Variants in SORCS3 observed in about 807,000 individuals in gnomAD.
SORCS3 encodes sortilin related VPS10 domain containing receptor 3, also known as VPS10 domain-containing receptor SorCS3.
Under a neutral mutation model 146.3 loss-of-function variants are expected in SORCS3, and 57 were observed. That is an observed-to-expected ratio of 0.39 (90% CI 0.31 to 0.49). The LOEUF (loss-of-function observed/expected upper bound fraction) is 0.49, where lower values mean the gene tolerates loss of function less well. Ranked by LOEUF, SORCS3 falls within the 20% of genes least tolerant of loss-of-function variation. The pLI, the probability that SORCS3 is intolerant of heterozygous loss-of-function variation, is 0.92. For missense variants in SORCS3, 1,341 were observed against 1,575.5 expected (o/e 0.85, Z 2.52); for synonymous variants, 653 against 618.5 (o/e 1.06, Z -0.83).
At chr10:104,668,796 C>T (rs2133255406) in intron 1 of SORCS3, among the ~76,000 whole-genome samples, 1 of 152,288 alleles carries the variant, frequency 6.6e-6, no homozygotes, top group East Asian at 1.9e-4. Flanking sequence ...CATTTACAGG[C>T]ACCATAGGTG....
chr10:104,723,639 C>T (rs1040665063), intron 1 of SORCS3, among the ~76,000 whole-genome samples: 15 of 152,272 alleles, frequency 9.9e-5, no homozygotes, highest in African/African-American at 3.6e-4. Flanking sequence ...TCTCTAAGGA[C>T]TTGCTTTATG....
intron 3 of SORCS3, among the ~76,000 whole-genome samples, chr10:104,919,604 G>A (rs1190360524): frequency 1.3e-5 from 2 of 151,988 alleles, no homozygotes; most frequent in African/African-American, 2.4e-5. Flanking sequence ...CAGGAGAATC[G>A]CTTGAACCCA....
At chr10:104,756,385 A>G (rs2017051179) in intron 1 of SORCS3, among the ~76,000 whole-genome samples, 1 of 152,254 alleles carries the variant, frequency 6.6e-6, no homozygotes. Flanking sequence ...TGAATAGTCC[A>G]TGGAACCTGC....
chr10:105,036,190 G>A (rs888482637), intron 4 of SORCS3, among the ~76,000 whole-genome samples: 2 of 151,836 alleles, frequency 1.3e-5, no homozygotes, highest in African/African-American at 4.9e-5. Flanking sequence ...CACAATTTTT[G>A]GGGAAGGACA....
chr10:105,138,757 A>G (rs1377010), intron 7 of SORCS3, among the ~76,000 whole-genome samples: 93,154 of 152,086 alleles, frequency 0.61, 29,688 homozygotes, highest in African/African-American at 0.79. Context: ...CCTTCTAGCC[A>G]GAGATAACAG....
intron 23 of SORCS3, among the ~76,000 whole-genome samples, 182 bp downstream of exon 23, chr10:105,253,088 T>G (rs982763448): frequency 1.3e-5 from 2 of 152,086 alleles, no homozygotes; most frequent in Non-Finnish European, 2.9e-5. Context: ...AGCATTCAGC[T>G]ACTCAGAAAG....
intron 20 of SORCS3, among the ~76,000 whole-genome samples, chr10:105,223,943 T>C (rs2056719222): frequency 6.6e-6 from 1 of 152,172 alleles, no homozygotes; most frequent in Non-Finnish European, 1.5e-5. Context: ...TTTTGAGGAG[T>C]TGTAAGTTCA....
intron 1 of SORCS3, among the ~76,000 whole-genome samples, chr10:104,655,492 T>A (rs2015616952): frequency 6.6e-6 from 1 of 152,160 alleles, no homozygotes; most frequent in South Asian, 2.1e-4. Flanking sequence ...CACTTGTAAG[T>A]GAGAACATGT....
At chr10:104,721,240 T>TC (rs1287391836) in intron 1 of SORCS3, among the ~76,000 whole-genome samples, 1 of 152,194 alleles carries the variant, frequency 6.6e-6, no homozygotes, top group Admixed American at 6.5e-5. Flanking sequence ...GGGAATCCTT[T>TC]CCCCATTGCT....
intron 7 of SORCS3, among the ~76,000 whole-genome samples, chr10:105,116,750 T>C (rs764391638): frequency 3.3e-5 from 5 of 152,114 alleles, no homozygotes; most frequent in Non-Finnish European, 5.9e-5. Flanking sequence ...TGGATGGAGC[T>C]GGAGGCCATT....
chr10:104,740,313 C>T (rs1185433291), intron 1 of SORCS3, among the ~76,000 whole-genome samples: 1 of 152,178 alleles, frequency 6.6e-6, no homozygotes, highest in Non-Finnish European at 1.5e-5. Flanking sequence ...TTTTGTATCC[C>T]TTGATAAAAT....
At chr10:105,207,551 C>T (rs1443582063) in intron 16 of SORCS3, among the ~76,000 whole-genome samples, 1 of 152,142 alleles carries the variant, frequency 6.6e-6, no homozygotes, top group African/African-American at 2.4e-5. Context: ...CACAATTCAA[C>T]AGAAAAATGC....
At chr10:104,816,637 G>A (rs1001355522) in intron 1 of SORCS3, among the ~76,000 whole-genome samples, 4 of 152,154 alleles carry the variant, frequency 2.6e-5, no homozygotes, top group African/African-American at 4.8e-5. Flanking sequence ...AGGGGCTGGC[G>A]TCTGTTCAGC....
At chr10:105,249,023 G>A (rs2056883628) in intron 22 of SORCS3, among the ~76,000 whole-genome samples, 2 of 152,302 alleles carry the variant, frequency 1.3e-5, no homozygotes, top group East Asian at 3.9e-4. Context: ...AAAGACCACT[G>A]CAGTTATCTA....
intron 1 of SORCS3, among the ~76,000 whole-genome samples, chr10:104,806,547 A>G (rs1371484234): frequency 2.6e-5 from 4 of 152,240 alleles, no homozygotes; most frequent in Admixed American, 2.0e-4. Context: ...CTTGGAATTT[A>G]TCCTAGGGAC....
intron 4 of SORCS3, among the ~76,000 whole-genome samples, chr10:104,981,096 A>T (rs2054929249): frequency 6.6e-6 from 1 of 152,090 alleles, no homozygotes. Flanking sequence ...TGCAATCCTG[A>T]TGCACCCCAG....
chr10:105,185,644 CA>C (rs2056470837), intron 14 of SORCS3, among the ~76,000 whole-genome samples: 1 of 152,140 alleles, frequency 6.6e-6, no homozygotes, highest in Non-Finnish European at 1.5e-5. Context: ...AATAATATTA[CA>C]AAGCTTGTGT....
chr10:105,242,229 T>A (rs953482399), intron 20 of SORCS3, among the ~76,000 whole-genome samples: 3 of 144,166 alleles, frequency 2.1e-5, no homozygotes, highest in African/African-American at 7.7e-5. Flanking sequence ...ATATTACTTG[T>A]TATCATTTAT....
rs1188000000 is a variant in SORCS3, at chr10:104,787,772, ACC to A, written c.628-55018_628-55017del. Reference sequence around the variant, plus strand: ...CCTCTTAAAAAATACCCAGCCCGCTACCCTGGCCCCGAATCCCCAGTGAACTT... The same window carrying A: ...CCTCTTAAAAAATACCCAGCCCGCTACTGGCCCCGAATCCCCAGTGAACTT... On this transcript the variant is annotated intron_variant, in intron 1 of 26. Coordinates refer to ENST00000369701, the MANE Select transcript of SORCS3 (RefSeq NM_014978.3). Among the ~76,000 whole-genome samples the A allele has an allele frequency of 2.0e-5, 3 of 152,314 alleles. No homozygotes were observed. The East Asian group carries it at 5.8e-4, about 29-fold the overall frequency.
Sources: allele counts gnomAD v4.1 joint callset (sites outside exome capture counted in the v4.1 genomes callset), GRCh38; gene constraint gnomAD v4.1.1; transcripts MANE v1.5; gene names NCBI Gene and HGNC (gene_info 2026-07-23, HGNC 2026-07-21).